PDE4D: variants seen among roughly 807,000 people sequenced by gnomAD.
PDE4D encodes 3',5'-cyclic-AMP phosphodiesterase 4D.
A neutral mutation model predicts 87.4 loss-of-function variants in PDE4D; 24 were observed. The ratio of observed to expected loss-of-function variants is 0.27; its 90% CI spans 0.20 to 0.39. The LOEUF (loss-of-function observed/expected upper bound fraction) is 0.39. PDE4D is among the 10% of genes least tolerant of loss of function. PDE4D has a pLI of 1.00. For missense variants in PDE4D, 714 were observed against 1,041.0 expected (o/e 0.69, Z 4.32); for synonymous variants, 384 against 383.2 (o/e 1.00, Z -0.02).
At chr5:60,064,715 C>T (rs565690371) in intron 2 of PDE4D, among the ~76,000 whole-genome samples, 74 of 152,226 alleles carry the variant, frequency 4.9e-4, no homozygotes, top group Middle Eastern at 3.4e-3. Flanking sequence ...TGTATTATTT[C>T]TCCATCTCCT....
intron 2 of PDE4D, among the ~76,000 whole-genome samples, chr5:60,024,677 C>T (rs1312304745): frequency 6.6e-6 from 1 of 152,032 alleles, no homozygotes; most frequent in East Asian, 1.9e-4. Flanking sequence ...ATTTGTAAGT[C>T]ATATTTTGAT....
intron 1 of PDE4D, among the ~76,000 whole-genome samples, chr5:59,530,040 G>A (rs543421768): frequency 6.6e-6 from 1 of 152,218 alleles, no homozygotes; most frequent in East Asian, 1.9e-4. Flanking sequence ...GGTCAGGGTG[G>A]GGTCCAAGAA....
At chr5:60,267,077 G>A (rs78776857) in intron 1 of PDE4D, among the ~76,000 whole-genome samples, 5,134 of 152,240 alleles carry the variant, frequency 0.034, 306 homozygotes, top group African/African-American at 0.12. Flanking sequence ...AGAATGAAGC[G>A]CTATGCAAAA....
chr5:60,444,933 C>T (rs1583792510), intron 1 of PDE4D, among the ~76,000 whole-genome samples: 1 of 150,638 alleles, frequency 6.6e-6, no homozygotes, highest in African/African-American at 2.4e-5. Context: ...AAAAAATCAC[C>T]GAAATGGTGT....
chr5:59,134,953 AGGTGGTTT>A (rs1776818200), intron 5 of PDE4D, among the ~76,000 whole-genome samples: 1 of 152,206 alleles, frequency 6.6e-6, no homozygotes, highest in Non-Finnish European at 1.5e-5. Context: ...GGCGCCTCAC[AGGTGGTTT>A]GGTTTGTGGC....
chr5:59,090,554 C>T (rs1374969383), intron 5 of PDE4D, among the ~76,000 whole-genome samples: 2 of 152,066 alleles, frequency 1.3e-5, no homozygotes, highest in African/African-American at 4.8e-5. Flanking sequence ...GACATACTGG[C>T]ATGAGAAACG....
chr5:59,327,509 G>GTAC (rs1388929350), intron 1 of PDE4D, among the ~76,000 whole-genome samples: 2 of 152,114 alleles, frequency 1.3e-5, no homozygotes, highest in African/African-American at 4.8e-5. Flanking sequence ...GTACTGCAAA[G>GTAC]TGTTCAGATT....
rs565782447 is a variant in PDE4D at position 60,197,102 on chromosome 5, T to C, written c.-89-11415A>G. On this transcript the variant is annotated intron_variant, in intron 1 of 16. Transcript: ENST00000502484. ...TTAGATAGATAGATAGATAGATAGA[T>C]AGATAGATAGATAGATAGATAGATT... Among the ~76,000 whole-genome samples the C allele has an allele frequency of 8.6e-3, 1,283 of 149,242 alleles. 32 individuals are homozygous for C. Among genetic ancestry groups the C allele is most frequent in the Middle Eastern group, 0.01 (3 of 292 alleles).
intron 1 of PDE4D, among the ~76,000 whole-genome samples, chr5:60,246,815 TA>T (rs1747833515): frequency 6.6e-6 from 1 of 152,002 alleles, no homozygotes; most frequent in Non-Finnish European, 1.5e-5. Flanking sequence ...GGTTGTGAGT[TA>T]ATCTTTAGAA....
intron 1 of PDE4D, among the ~76,000 whole-genome samples, chr5:60,264,118 T>C (rs756091802): frequency 2.0e-4 from 30 of 152,192 alleles, no homozygotes; most frequent in Non-Finnish European, 4.0e-4. Context: ...ATGGTGAGAC[T>C]TAGATTGGAG....
intron 1 of PDE4D, among the ~76,000 whole-genome samples, chr5:59,853,941 T>C (rs377685914): frequency 8.5e-5 from 13 of 152,084 alleles, no homozygotes; most frequent in East Asian, 5.8e-4. Flanking sequence ...TTATGAATAG[T>C]TCCCATTATG....
chr5:59,385,716 A>G (rs578226517), intron 1 of PDE4D, among the ~76,000 whole-genome samples: 1 of 152,228 alleles, frequency 6.6e-6, no homozygotes, highest in Admixed American at 6.5e-5. Context: ...TAGAGTCCTA[A>G]CCCCTTCCTC....
intron 1 of PDE4D, among the ~76,000 whole-genome samples, chr5:59,650,303 G>C (rs1159599454): frequency 1.3e-5 from 2 of 152,046 alleles, no homozygotes; most frequent in Non-Finnish European, 2.9e-5. Context: ...TAAAAGAATT[G>C]CTCTTTTAGT....
At chr5:58,985,098 A>AAAGAC (rs1746100580) in intron 11 of PDE4D, among the ~76,000 whole-genome samples, 1 of 151,714 alleles carries the variant, frequency 6.6e-6, no homozygotes, top group Middle Eastern at 3.4e-3. Flanking sequence ...TTTTTTTTGT[A>AAAGAC]AAGACAGGGT....
chr5:60,252,021 T>C (rs942891199), intron 1 of PDE4D, among the ~76,000 whole-genome samples: 9 of 151,958 alleles, frequency 5.9e-5, no homozygotes, highest in African/African-American at 1.4e-4. Flanking sequence ...TGTGTTACAA[T>C]TGCCCACAGT....
chr5:59,788,453 G>A (rs920414281), intron 1 of PDE4D, among the ~76,000 whole-genome samples: 6 of 152,352 alleles, frequency 3.9e-5, no homozygotes, highest in Admixed American at 2.0e-4. Flanking sequence ...CCTGGGAGAA[G>A]CAGAGAGCTT....
At chr5:60,017,685 G>A (rs1235825356) in intron 2 of PDE4D, among the ~76,000 whole-genome samples, 1 of 151,932 alleles carries the variant, frequency 6.6e-6, no homozygotes, top group African/African-American at 2.4e-5. Flanking sequence ...TTTTCTTTAT[G>A]CAGTCTATCA....
chr5:59,478,576 A>G (rs559832165), intron 1 of PDE4D, among the ~76,000 whole-genome samples: 3 of 152,232 alleles, frequency 2.0e-5, no homozygotes, highest in East Asian at 3.9e-4. Context: ...TAATTTAAAT[A>G]TCTTAATTAG....
At chr5:60,002,999 A>G (rs1055187909) in intron 2 of PDE4D, among the ~76,000 whole-genome samples, 3 of 152,198 alleles carry the variant, frequency 2.0e-5, no homozygotes, top group African/African-American at 4.8e-5. Context: ...TATTTAAAAA[A>G]AAACTCTAAA....
Sources: gnomAD v4.1 joint callset for allele counts (sites outside exome capture counted in the v4.1 genomes callset) on GRCh38, gnomAD v4.1.1 for gene constraint, MANE v1.5 for transcripts, NCBI Gene and HGNC (gene_info 2026-07-23, HGNC 2026-07-21) for gene names.